Variants in SPRED1 observed in about 807,000 individuals in gnomAD.
SPRED1 encodes sprouty related EVH1 domain containing 1, also known as sprouty-related, EVH1 domain-containing protein 1.
A neutral mutation model predicts 52.3 loss-of-function variants in SPRED1; 18 were observed. The observed-to-expected ratio is 0.34, with a 90% confidence interval of 0.24 to 0.51. The LOEUF is 0.51. Ranked by LOEUF, SPRED1 falls within the 20% of genes least tolerant of loss-of-function variation. SPRED1 has a pLI of 0.97. For missense variants in SPRED1, 485 were observed against 551.0 expected, an observed-to-expected ratio of 0.88 and a Z score of 1.20; for synonymous variants, 155 against 179.7, an observed-to-expected ratio of 0.86 and a Z score of 1.10.
At chr15:38,341,706 A>G (rs1896033525) in intron 5 of SPRED1, among the ~76,000 whole-genome samples, 2 of 152,070 alleles carry the variant, frequency 1.3e-5, no homozygotes, top group Admixed American at 1.3e-4. Context: ...ACAAATAAAG[A>G]TGATTTCATG....
At chr15:38,340,938 A>G (rs1355100850) in intron 5 of SPRED1, among the ~76,000 whole-genome samples, 2 of 148,306 alleles carry the variant, frequency 1.3e-5, no homozygotes, top group Non-Finnish European at 3.0e-5. Flanking sequence ...TAAGATTGGT[A>G]GTTATTTCTT....
chr15:38,296,899 T>G (rs73396496), intron 1 of SPRED1, among the ~76,000 whole-genome samples: 1,814 of 152,300 alleles, frequency 0.012, 44 homozygotes, highest in African/African-American at 0.042. Flanking sequence ...AGTTCTACCT[T>G]CATGAATGGA....
intron 1 of SPRED1, among the ~76,000 whole-genome samples, chr15:38,259,183 T>G (rs1238792778): frequency 6.6e-6 from 1 of 152,248 alleles, no homozygotes; most frequent in East Asian, 1.9e-4. Context: ...TTTTAAGACT[T>G]ACTTTGGGCT....
chr15:38,303,288 C>A (rs548766778), intron 2 of SPRED1, among the ~76,000 whole-genome samples: 2 of 151,992 alleles, frequency 1.3e-5, no homozygotes, highest in Non-Finnish European at 2.9e-5. Flanking sequence ...TTCTTTAATA[C>A]AAGTTAGTAT....
At chr15:38,321,431 C>T (rs980772585) in intron 2 of SPRED1, among the ~76,000 whole-genome samples, 3 of 152,122 alleles carry the variant, frequency 2.0e-5, no homozygotes, top group African/African-American at 7.2e-5. Flanking sequence ...ACTGCAATTT[C>T]TGTTTTACAG....
rs1162954243 is a variant in SPRED1, at chr15:38,353,038, T to C, written c.*1374T>C. The C allele has an allele frequency of 1.3e-5, 2 of 152,440 alleles. No homozygotes were observed. The highest frequency in any genetic ancestry group is 1.9e-4 in the East Asian group (1 of 5,186). 9.4% of individuals were successfully genotyped at this position (152,440 alleles called of 1,614,324 possible). ...AGTCAAATTGTCTGTTTTTGTTTTG[T>C]TGTTGTTGTTGTTGTTTTCTTAAGT... On this transcript the variant is annotated 3_prime_UTR_variant, in exon 7 of 7. Coordinates refer to ENST00000299084, the MANE Select transcript of SPRED1 (RefSeq NM_152594.3).
At chr15:38,272,276 G>GTTTTTTTGT (rs1555387948) in intron 1 of SPRED1, among the ~76,000 whole-genome samples, 1 of 131,426 alleles carries the variant, frequency 7.6e-6, no homozygotes, top group Non-Finnish European at 1.6e-5. Context: ...CGAATGCTAG[G>GTTTTTTTGT]TTTTTTTTTT....
At chr15:38,294,944 TAA>T (rs1482556567) in intron 1 of SPRED1, among the ~76,000 whole-genome samples, 2 of 152,234 alleles carry the variant, frequency 1.3e-5, no homozygotes, top group African/African-American at 4.8e-5. Context: ...TTCACAAAAT[TAA>T]TCTTTGGTGT....
intron 1 of SPRED1, among the ~76,000 whole-genome samples, chr15:38,280,677 G>A (rs1894668298): frequency 6.6e-6 from 1 of 152,146 alleles, no homozygotes; most frequent in African/African-American, 2.4e-5. Flanking sequence ...CGTATATGTG[G>A]ATCAGCAAAC....
intron 1 of SPRED1, among the ~76,000 whole-genome samples, chr15:38,297,871 C>G (rs765831758): frequency 1.3e-5 from 2 of 152,148 alleles, no homozygotes; most frequent in Non-Finnish European, 2.9e-5. Context: ...GTAACTTTCT[C>G]AAAGCCATAC....
At chr15:38,256,801 A>G (rs955777) in intron 1 of SPRED1, among the ~76,000 whole-genome samples, 335 of 148,638 alleles carry the variant, frequency 2.3e-3, no homozygotes, top group Non-Finnish European at 3.9e-3. Flanking sequence ...TTACGTATGT[A>G]TATGTATGTA....
In SPRED1 at chr15:38,351,433, C is replaced by T; in HGVS notation, c.1104C>T (p.Cys368=). The T allele has an allele frequency of 6.2e-7, 1 of 1,614,114 alleles. No individual in the cohort carries two copies. The highest frequency in any genetic ancestry group is 1.1e-5 in the South Asian group (1 of 91,072). ...PIKRCIYQVS[C]MLCAESMLYH... ...AAAGATGCATATATCAAGTTAGTTG[C>T]ATGCTCTGTGCAGAGAGCATGTTGT... The change falls in exon 7 of 7, where the codon TGC becomes TGT. Residue 368 remains cysteine, a synonymous_variant. Transcript: ENST00000299084.
intron 2 of SPRED1, among the ~76,000 whole-genome samples, chr15:38,309,849 A>G (rs1432881160): frequency 6.6e-6 from 1 of 152,156 alleles, no homozygotes; most frequent in Non-Finnish European, 1.5e-5. Flanking sequence ...TGTTGAAAAG[A>G]TTGGATTCCT....
chr15:38,267,924 G>T (rs2140954152), intron 1 of SPRED1, among the ~76,000 whole-genome samples: 1 of 152,216 alleles, frequency 6.6e-6, no homozygotes, highest in East Asian at 1.9e-4. Context: ...CATATGAAAA[G>T]ATTTAGTGTT....
Position 38,253,216 on chromosome 15 carries a change from G to A in SPRED1, c.31G>A (p.Asp11Asn), listed in dbSNP as rs1445226319. Residue 11 changes from aspartate to asparagine, a missense_variant and splice_region_variant, in exon 1 of 7, where the codon GAT (aspartate) becomes AAT (asparagine). Physicochemically the swap from Asp to Asn is conservative, Grantham distance 23. Around this residue, in one of 5 missense-constraint regions of SPRED1, gnomAD observed 34 missense variants for 25.8 expected, o/e 1.32. Coordinates refer to ENST00000299084, the MANE Select transcript of SPRED1 (RefSeq NM_152594.3). ...CGAGGAGACGGCGACTTCTGACAAC[G>A]AGTAAGCGCCTCATTGATCTCGATT... MSEETATSDN[D>N]NSYARVRAVV... 3 of 1,576,922 alleles carry A rather than the reference G, an allele frequency of 1.9e-6. No individual in the cohort carries two copies. Among genetic ancestry groups the A allele is most frequent in the South Asian group, 1.2e-5 (1 of 86,122 alleles).
chr15:38,262,312 T>A (rs1894222942), intron 1 of SPRED1, among the ~76,000 whole-genome samples: 1 of 152,230 alleles, frequency 6.6e-6, no homozygotes, highest in South Asian at 2.1e-4. Flanking sequence ...GGGAAATAGA[T>A]ACTTCTGAAA....
intron 2 of SPRED1, among the ~76,000 whole-genome samples, chr15:38,319,740 T>A (rs1334846810): frequency 6.6e-6 from 1 of 152,200 alleles, no homozygotes; most frequent in Non-Finnish European, 1.5e-5. Context: ...CTTGAGAGAA[T>A]TTCACTGCAT....
chr15:38,321,521 A>C (rs1895601289), intron 2 of SPRED1, among the ~76,000 whole-genome samples: 1 of 152,178 alleles, frequency 6.6e-6, no homozygotes, highest in Non-Finnish European at 1.5e-5. Flanking sequence ...TATTTGTTTT[A>C]CTGCTGTGAC....
chr15:38,348,557 T>A (rs972282318), intron 5 of SPRED1, among the ~76,000 whole-genome samples: 1 of 152,102 alleles, frequency 6.6e-6, no homozygotes, highest in Non-Finnish European at 1.5e-5. Context: ...TCATGTGCTT[T>A]TATACTATTT....
Sources: gnomAD v4.1 joint callset for allele counts (sites outside exome capture counted in the v4.1 genomes callset) on GRCh38, gnomAD v4.1.1 for gene constraint, gnomAD v4.1.1 regional missense constraint, MANE v1.5 for transcripts, NCBI Gene and HGNC (gene_info 2026-07-23, HGNC 2026-07-21) for gene names.